PARD3B: variants seen among roughly 807,000 people sequenced by gnomAD.
PARD3B encodes partitioning defective 3 homolog B.
Under a neutral mutation model 130.2 loss-of-function variants are expected in PARD3B, and 103 were observed. The observed-to-expected ratio is 0.79, with a 90% CI of 0.67 to 0.93. PARD3B has a LOEUF of 0.93. PARD3B is among the 40% of genes least tolerant of loss of function. PARD3B has a pLI of 0.00. For missense variants in PARD3B, 1,609 were observed against 1,499.2 expected, an observed-to-expected ratio of 1.07 and a Z score of -1.21; for synonymous variants, 583 against 553.2, an observed-to-expected ratio of 1.05 and a Z score of -0.76.
At chr2:204,992,929 G>T (rs1382751606) in intron 3 of PARD3B, among the ~76,000 whole-genome samples, 1 of 131,658 alleles carries the variant, frequency 7.6e-6, no homozygotes, top group African/African-American at 2.9e-5. Flanking sequence ...CATTGATTTT[G>T]TATCCTGAGA....
At chr2:205,067,394 C>A (rs1421225301) in intron 4 of PARD3B, among the ~76,000 whole-genome samples, 1 of 151,994 alleles carries the variant, frequency 6.6e-6, no homozygotes, top group Non-Finnish European at 1.5e-5. Context: ...AAACTCCTGG[C>A]CTCAAACCAT....
intron 2 of PARD3B, among the ~76,000 whole-genome samples, chr2:204,937,715 C>G: frequency 6.6e-6 from 1 of 152,150 alleles, no homozygotes; most frequent in East Asian, 1.9e-4. Flanking sequence ...CATATGGCTC[C>G]TCTCTTGATG....
At chr2:205,422,513 G>C (rs1224834692) in intron 19 of PARD3B, among the ~76,000 whole-genome samples, 1 of 152,142 alleles carries the variant, frequency 6.6e-6, no homozygotes, top group Non-Finnish European at 1.5e-5. Flanking sequence ...TTTCCTTACT[G>C]TGGTTACATA....
At chr2:205,245,415 A>C (rs936218405) in intron 15 of PARD3B, among the ~76,000 whole-genome samples, 3 of 152,180 alleles carry the variant, frequency 2.0e-5, no homozygotes, top group Non-Finnish European at 2.9e-5. Context: ...ACACACACGT[A>C]TTGCTGTTAT....
intron 18 of PARD3B, among the ~76,000 whole-genome samples, chr2:205,315,844 T>C (rs1363205925): frequency 6.6e-6 from 1 of 152,218 alleles, no homozygotes; most frequent in Admixed American, 6.5e-5. Flanking sequence ...CCATCTCCTT[T>C]ATGAATTCTT....
At chr2:205,607,646 C>A (rs1441665228) in intron 22 of PARD3B, among the ~76,000 whole-genome samples, 1 of 152,142 alleles carries the variant, frequency 6.6e-6, no homozygotes, top group Non-Finnish European at 1.5e-5. Flanking sequence ...GCTCAGCAGG[C>A]TTATGAATCT....
intron 3 of PARD3B, among the ~76,000 whole-genome samples, chr2:204,973,515 T>TC (rs1328341380): frequency 6.6e-6 from 1 of 151,874 alleles, no homozygotes; most frequent in Admixed American, 6.6e-5. Context: ...ATTTTTTTTT[T>TC]CTCTCTGAGT....
At position 204,676,550 on chromosome 2, in the gene PARD3B, A is replaced by G. The variant is rs551708171; in HGVS notation, c.121-9631A>G. On this transcript the variant is annotated intron_variant, in intron 1 of 22. Transcript: ENST00000406610. ...TGGAAGGGATCTTCAGGATCACAGA[A>G]GTTCCACGTCTTATCCTGTAGCATC... Among the ~76,000 whole-genome samples the G allele has an allele frequency of 1.5e-3, 231 of 152,008 alleles. 2 individuals are homozygous for G. Among genetic ancestry groups the G allele is most frequent in the Non-Finnish European group, 2.5e-3 (173 of 68,004 alleles).
At chr2:204,876,026 A>G (rs1230369451) in intron 2 of PARD3B, among the ~76,000 whole-genome samples, 1 of 152,088 alleles carries the variant, frequency 6.6e-6, no homozygotes, top group Non-Finnish European at 1.5e-5. Flanking sequence ...TAGGACCTGG[A>G]TTTGAAGAGG....
chr2:205,617,727 A>C lies in PARD3B; in HGVS notation c.*1914A>C, dbSNP rs575021273. The stretch of plus-strand genomic sequence containing the variant: ...GCCCTGCTCACGTGAGGTGGAGTGC[A>C]GGGGAGCTACCGGTTTCCCTGCTGA... On this transcript the variant is annotated 3_prime_UTR_variant, in exon 23 of 23. Transcript: ENST00000406610. The C allele has an allele frequency of 2.0e-5, 3 of 152,290 alleles. No homozygotes were observed. Among genetic ancestry groups the C allele is most frequent in the South Asian group, 2.1e-4 (1 of 4,824 alleles). 9.4% of individuals were successfully genotyped at this position (152,290 alleles called of 1,614,324 possible).
At chr2:204,821,642 A>C (rs1465959194) in intron 2 of PARD3B, among the ~76,000 whole-genome samples, 1 of 152,028 alleles carries the variant, frequency 6.6e-6, no homozygotes, top group African/African-American at 2.4e-5. Context: ...ATGTATACAT[A>C]TGTAACTAAC....
chr2:204,981,101 C>T (rs897063104), intron 3 of PARD3B, among the ~76,000 whole-genome samples: 3 of 152,070 alleles, frequency 2.0e-5, no homozygotes, highest in Non-Finnish European at 4.4e-5. Context: ...TGAAAGAATA[C>T]CAGCTCTTGG....
intron 1 of PARD3B, among the ~76,000 whole-genome samples, chr2:204,613,019 A>C (rs985372867): frequency 6.6e-6 from 1 of 152,120 alleles, no homozygotes; most frequent in African/African-American, 2.4e-5. Flanking sequence ...TATTGTTGAA[A>C]GCTGAGTCAC....
At chr2:205,273,418 G>T (rs945137519) in intron 16 of PARD3B, among the ~76,000 whole-genome samples, 1 of 152,294 alleles carries the variant, frequency 6.6e-6, no homozygotes, top group South Asian at 2.1e-4. Context: ...GCAGAAGCAC[G>T]TGTGAGTTTT....
rs561244324 is a variant in PARD3B, at chr2:204,997,154, T to C, written c.394+31831T>C. The stretch of plus-strand genomic sequence containing the variant: ...TTCTTGTAATTCCATACCCTAACTT[T>C]ATAATACTCCGTGATATCTGTCAGG... On this transcript the variant is annotated intron_variant, in intron 3 of 22. Transcript: ENST00000406610. 2.0e-5 allele frequency among the ~76,000 whole-genome samples: 3 copies of C among 152,348 alleles called. 1 individual carries two copies. Among genetic ancestry groups the C allele is most frequent in the African/African-American group, 4.8e-5 (2 of 41,590 alleles).
chr2:204,713,489 A>G (rs142087392), intron 2 of PARD3B, among the ~76,000 whole-genome samples: 23 of 151,832 alleles, frequency 1.5e-4, no homozygotes, highest in African/African-American at 5.1e-4. Flanking sequence ...AACCGTCGCC[A>G]CCATTTATCT....
intron 1 of PARD3B, among the ~76,000 whole-genome samples, chr2:204,641,469 TG>T (rs1036878919): frequency 1.2e-4 from 19 of 152,216 alleles, no homozygotes; most frequent in African/African-American, 4.6e-4. Context: ...TCCTGCTTTT[TG>T]CAAAACTTTT....
chr2:204,900,284 G>A (rs536592138), intron 2 of PARD3B, among the ~76,000 whole-genome samples: 1 of 151,864 alleles, frequency 6.6e-6, no homozygotes, highest in East Asian at 1.9e-4. Context: ...GATCCTGTAG[G>A]TGTACTTCAT....
At chr2:204,919,208 T>C (rs903064998) in intron 2 of PARD3B, among the ~76,000 whole-genome samples, 7 of 152,152 alleles carry the variant, frequency 4.6e-5, no homozygotes, top group African/African-American at 1.7e-4. Context: ...CTAAGTACTT[T>C]AGCATGCATA....
Sources: gnomAD v4.1 joint callset for allele counts (sites outside exome capture counted in the v4.1 genomes callset) on GRCh38, gnomAD v4.1.1 for gene constraint, MANE v1.5 for transcripts, NCBI Gene and HGNC (gene_info 2026-07-23, HGNC 2026-07-21) for gene names.